Variants in NTNG2 observed in about 807,000 individuals in gnomAD.
NTNG2 encodes the protein netrin G2.
In NTNG2, 15 loss-of-function variants were observed where a neutral mutation model predicts 47.6. That is an observed-to-expected ratio of 0.32 (90% CI 0.21 to 0.49). NTNG2 has a LOEUF of 0.49. Among genes scored for constraint, NTNG2 ranks in the 20% least tolerant of loss-of-function variants. NTNG2 has a pLI of 0.99. For synonymous variants in NTNG2, 307 were observed against 324.6 expected (o/e 0.95, Z 0.58); for missense variants, 578 against 764.6 (o/e 0.76, Z 2.88).
chr9:132,243,764 G>A lies in NTNG2; in HGVS notation c.*1653G>A, dbSNP rs1258565691. On this transcript the variant is annotated 3_prime_UTR_variant, in exon 8 of 8. Coordinates refer to ENST00000393229, the MANE Select transcript of NTNG2 (RefSeq NM_032536.4). ...AACAAACTTGGCCTTGGGGACAGCA[G>A]GAGATTACAACACAGAAAAGGAGGG... 1 of 152,426 alleles carries A rather than the reference G, an allele frequency of 6.6e-6. No individual in the cohort carries two copies. Among genetic ancestry groups the A allele is most frequent in the East Asian group, 1.9e-4 (1 of 5,192 alleles). The allele number at this position is 152,426 out of a possible 1,614,324, so 9.4% of individuals were successfully genotyped here.
chr9:132,162,608 G>C lies in NTNG2; in HGVS notation c.-484+369G>C, dbSNP rs1216604968. On this transcript the variant is annotated intron_variant, in intron 1 of 7. Coordinates refer to ENST00000393229, the MANE Select transcript of NTNG2 (RefSeq NM_032536.4). This position sits in a 1 kb window ranked among gnomAD's most constrained non-coding sequence, Gnocchi z 4.6. ...TGTGTGTGTGTGTGTGTGTGTGTGT[G>C]TGTGTGTGTCGGGGAGGGATGTTGC... Among the ~76,000 whole-genome samples the C allele has an allele frequency of 6.8e-6, 1 of 146,596 alleles. No homozygotes were observed. The highest frequency in any genetic ancestry group is 1.5e-5 in the Non-Finnish European group (1 of 66,772).
chr9:132,185,085 G>A (rs1837255509), intron 2 of NTNG2, among the ~76,000 whole-genome samples: 1 of 152,082 alleles, frequency 6.6e-6, no homozygotes, highest in Non-Finnish European at 1.5e-5. Context: ...TGGGGGTGGG[G>A]AGGCTAGAGG....
chr9:132,230,538 G>A (rs1191514981), intron 4 of NTNG2, 34 bp from the exon 5 acceptor site: 2 of 1,590,968 alleles, frequency 1.3e-6, no homozygotes, highest in Non-Finnish European at 8.6e-7. Flanking sequence ...CCTTCCCCTG[G>A]GGCAGCCAGC....
At chr9:132,224,734 C>T (rs1840606967) in intron 3 of NTNG2, among the ~76,000 whole-genome samples, 1 of 152,172 alleles carries the variant, frequency 6.6e-6, no homozygotes, top group Non-Finnish European at 1.5e-5. Context: ...ATATAGAGCA[C>T]ACTCTGTCTC....
intron 2 of NTNG2, among the ~76,000 whole-genome samples, chr9:132,178,175 A>G (rs942448086): frequency 2.0e-5 from 3 of 152,074 alleles, no homozygotes; most frequent in Non-Finnish European, 4.4e-5. Context: ...AAAAATCCCA[A>G]TGGTTACCCT....
intron 3 of NTNG2, among the ~76,000 whole-genome samples, chr9:132,210,223 A>G (rs1589476037): frequency 6.6e-6 from 1 of 151,994 alleles, no homozygotes; most frequent in African/African-American, 2.4e-5. Flanking sequence ...AGTCTCTTCC[A>G]TTTCTCCAGG....
chr9:132,241,001 C>G lies in NTNG2; in HGVS notation c.1314C>G (p.Cys438Trp). 6.2e-7 allele frequency: 1 copy of G among 1,609,510 alleles called. No homozygotes were observed. Among genetic ancestry groups the G allele is most frequent in the Non-Finnish European group, 8.5e-7 (1 of 1,179,332 alleles). The change falls in exon 7 of 8, where the codon TGC becomes TGG. Residue 438 changes from cysteine to tryptophan, a missense_variant. Transcript: ENST00000393229. Reference sequence around the variant, plus strand: ...GCGAGGGCGCGGCGGGCCCCAAGTGCGACGACTGCCTCCCCACGCACTACT... The same window carrying G: ...GCGAGGGCGCGGCGGGCCCCAAGTGGGACGACTGCCTCCCCACGCACTACT... ...ECREGAAGPK[C>W]DDCLPTHYWR...
intron 6 of NTNG2, chr9:132,240,463 A>C (rs1372686459): frequency 4.6e-6 from 1 of 215,704 alleles, no homozygotes; most frequent in Non-Finnish European, 9.5e-6. Flanking sequence ...CCCCGGGAGC[A>C]GGAATAGGCT....
intron 3 of NTNG2, among the ~76,000 whole-genome samples, chr9:132,213,331 CAAAAA>C (rs61393543): frequency 9.6e-6 from 1 of 104,370 alleles, no homozygotes; most frequent in East Asian, 3.0e-4. Context: ...GACTCCATCT[CAAAAA>C]AAAAAAAAAA....
chr9:132,189,494 AT>A (rs1837695317), intron 2 of NTNG2, among the ~76,000 whole-genome samples: 1 of 152,088 alleles, frequency 6.6e-6, no homozygotes, highest in African/African-American at 2.4e-5. Flanking sequence ...GTGACCCTGC[AT>A]CTTTGGAGAT....
In NTNG2 at chr9:132,163,429, C is replaced by T. The variant is rs1462044161; in HGVS notation, c.-484+1190C>T. On this transcript the variant is annotated intron_variant, in intron 1 of 7. Coordinates refer to ENST00000393229, the MANE Select transcript of NTNG2 (RefSeq NM_032536.4). This position sits in a 1 kb window ranked among gnomAD's most constrained non-coding sequence, Gnocchi z 7.2. ...CGGAGCGGGGGGACACCCGGGCCGC[C>T]GGAATTAAGAGGCCCGCCGAGGCTA... 6.6e-6 allele frequency among the ~76,000 whole-genome samples: 1 copy of T among 151,434 alleles called. No individual in the cohort carries two copies. The highest frequency in any genetic ancestry group is 2.4e-5 in the African/African-American group (1 of 41,250).
chr9:132,188,803 C>T (rs530681106), intron 2 of NTNG2, among the ~76,000 whole-genome samples: 6 of 152,282 alleles, frequency 3.9e-5, no homozygotes, highest in Admixed American at 1.3e-4. Flanking sequence ...CCTCATTGAG[C>T]GTTCATTCAT....
At chr9:132,169,617 C>T (rs974483470) in intron 2 of NTNG2, among the ~76,000 whole-genome samples, 10 of 152,236 alleles carry the variant, frequency 6.6e-5, no homozygotes, top group Non-Finnish European at 1.3e-4. Context: ...ACCCACCAGG[C>T]GGCACAGCCT....
At chr9:132,203,201 A>G (rs569180949) in intron 3 of NTNG2, among the ~76,000 whole-genome samples, 1 of 152,074 alleles carries the variant, frequency 6.6e-6, no homozygotes, top group South Asian at 2.1e-4. Flanking sequence ...GAAGCCAGGC[A>G]TGGTGGTGTG....
intron 5 of NTNG2, among the ~76,000 whole-genome samples, chr9:132,235,839 A>AG (rs944827572): frequency 1.3e-5 from 2 of 152,036 alleles, no homozygotes; most frequent in African/African-American, 4.8e-5. Flanking sequence ...CTGAGGTTGG[A>AG]GGGGGGCCGC....
At chr9:132,196,857 G>A (rs904631459) in intron 2 of NTNG2, among the ~76,000 whole-genome samples, 3 of 152,138 alleles carry the variant, frequency 2.0e-5, no homozygotes, top group Non-Finnish European at 2.9e-5. Context: ...CCTGCCTCCC[G>A]TACTTCTGTC....
intron 5 of NTNG2, among the ~76,000 whole-genome samples, chr9:132,235,309 C>T (rs971193874): frequency 4.6e-5 from 7 of 152,204 alleles, no homozygotes; most frequent in South Asian, 4.1e-4. Context: ...GGCCCAGAGG[C>T]GGGACCTGGT....
Position 132,166,572 on chromosome 9 carries a change from A to G in NTNG2, c.-260A>G. 1.9e-6 allele frequency: 1 copy of G among 522,214 alleles called. No individual in the cohort carries two copies. Among genetic ancestry groups the G allele is most frequent in the East Asian group, 3.4e-5 (1 of 29,546 alleles). The allele number at this position is 522,214 out of a possible 1,614,324, so 32.3% of individuals were successfully genotyped here. A position where few individuals can be genotyped will look rare whatever the true frequency, so the allele number is the denominator to read the frequency against. On this transcript the variant is annotated 5_prime_UTR_variant, in exon 2 of 8. Transcript: ENST00000393229. ...GGGGAGGTGTGATACCAGGGTTAGGAGGACGTGAAGTTATGGGCAACTTTC... is the reference window on the plus strand; with the variant it reads ...GGGGAGGTGTGATACCAGGGTTAGGGGGACGTGAAGTTATGGGCAACTTTC...
At chr9:132,172,691 C>T (rs1049594333) in intron 2 of NTNG2, among the ~76,000 whole-genome samples, 135 of 148,630 alleles carry the variant, frequency 9.1e-4, no homozygotes, top group Non-Finnish European at 3.4e-4. Context: ...GATCCAGGAA[C>T]GCTTCTCAGA....
Sources: allele counts gnomAD v4.1 joint callset (sites outside exome capture counted in the v4.1 genomes callset), GRCh38; gene constraint gnomAD v4.1.1; non-coding constraint Gnocchi (gnomAD v3.1); transcripts MANE v1.5; gene names NCBI Gene and HGNC (gene_info 2026-07-23, HGNC 2026-07-21).